ABI2: variants seen among roughly 807,000 people sequenced by gnomAD.
ABI2 encodes abl interactor 2.
Under a neutral mutation model 59.2 loss-of-function variants are expected in ABI2, and 25 were observed. The observed-to-expected ratio is 0.42, with a 90% confidence interval of 0.31 to 0.59. The LOEUF is 0.59. Ranked by LOEUF, ABI2 falls within the 20% of genes least tolerant of loss-of-function variation. The pLI is 0.14. For missense variants in ABI2, 545 were observed against 681.8 expected, an observed-to-expected ratio of 0.80 and a Z score of 2.23; for synonymous variants, 213 against 235.5, an observed-to-expected ratio of 0.90 and a Z score of 0.87.
chr2:203,421,846 C>A (rs546022155), intron 11 of ABI2, among the ~76,000 whole-genome samples: 1 of 151,792 alleles, frequency 6.6e-6, no homozygotes. Context: ...CGCCTGTAGT[C>A]CCAGCAACTC....
rs2069943078 is a variant in ABI2 at position 203,328,411 on chromosome 2, G to T, written c.-104G>T. 3 of 922,628 alleles carry T rather than the reference G, an allele frequency of 3.3e-6. No individual in the cohort carries two copies. In the East Asian group the frequency reaches 9.3e-5, roughly 29 times the overall value. The allele number at this position is 922,628 out of a possible 1,614,324, so 57.2% of individuals were successfully genotyped here. Reference sequence around the variant, plus strand: ...TTCTCGCTCCTTCCGAGTTACCGCCGCCGTCGCCGCCGCTCCTCCTCTCCC... The same window carrying T: ...TTCTCGCTCCTTCCGAGTTACCGCCTCCGTCGCCGCCGCTCCTCCTCTCCC... On this transcript the variant is annotated 5_prime_UTR_variant, in exon 1 of 12. Transcript: ENST00000261018.
intron 1 of ABI2, among the ~76,000 whole-genome samples, chr2:203,362,771 C>A (rs2093701369): frequency 6.6e-6 from 1 of 151,706 alleles, no homozygotes; most frequent in Non-Finnish European, 1.5e-5. Context: ...AGGTGATCCA[C>A]CTGGCTTGGC....
At chr2:203,342,304 G>T in intron 1 of ABI2, 1 of 438,470 alleles carries the variant, frequency 2.3e-6, no homozygotes, top group Non-Finnish European at 4.5e-6. Context: ...TGTAAATTTT[G>T]AATTAATGGA....
chr2:203,396,589 A>G (rs908468900), intron 7 of ABI2, among the ~76,000 whole-genome samples, 196 bp from the exon 8 acceptor site: 13 of 152,178 alleles, frequency 8.5e-5, no homozygotes, highest in African/African-American at 3.1e-4. Flanking sequence ...AAATCTGCAC[A>G]TTACCCTGAG....
chr2:203,368,370 CTT>C (rs2094700382), intron 2 of ABI2, among the ~76,000 whole-genome samples: 1 of 152,012 alleles, frequency 6.6e-6, no homozygotes, highest in Non-Finnish European at 1.5e-5. Flanking sequence ...ATTCAACACT[CTT>C]TTTAGACCTA....
intron 4 of ABI2, among the ~76,000 whole-genome samples, chr2:203,390,462 T>C (rs754371251): frequency 7.2e-5 from 11 of 152,220 alleles, no homozygotes; most frequent in Admixed American, 3.9e-4. Context: ...TGAAACCCTG[T>C]CTCTACTAAA....
chr2:203,425,086 A>G (rs2098385991), intron 11 of ABI2, among the ~76,000 whole-genome samples: 1 of 124,006 alleles, frequency 8.1e-6, no homozygotes, highest in Admixed American at 8.9e-5. Flanking sequence ...CATGTTGCTT[A>G]GGCTGGCAAT....
At chr2:203,387,267 T>G (rs1357253420) in intron 4 of ABI2, among the ~76,000 whole-genome samples, 2 of 152,148 alleles carry the variant, frequency 1.3e-5, no homozygotes, top group Non-Finnish European at 1.5e-5. Context: ...AGGCATGATA[T>G]TTGTAATGAA....
intron 9 of ABI2, among the ~76,000 whole-genome samples, chr2:203,404,498 C>T (rs2097347830): frequency 6.6e-6 from 1 of 152,182 alleles, no homozygotes; most frequent in East Asian, 1.9e-4. Context: ...ACCATGTTTT[C>T]AAACTCACAT....
At chr2:203,396,572 A>G (rs1490933475) in intron 7 of ABI2, among the ~76,000 whole-genome samples, 1 of 152,300 alleles carries the variant, frequency 6.6e-6, no homozygotes, top group Non-Finnish European at 1.5e-5. Flanking sequence ...TTTTTAATGA[A>G]TTGAAAAAAT....
intron 10 of ABI2, among the ~76,000 whole-genome samples, chr2:203,411,646 A>G (rs1036627957): frequency 6.6e-6 from 1 of 152,210 alleles, no homozygotes; most frequent in African/African-American, 2.4e-5. Flanking sequence ...TAGATATCCC[A>G]TCTTTTTCTC....
chr2:203,343,737 C>G lies in ABI2; in HGVS notation c.117+15106C>G, dbSNP rs190182610. Among the ~76,000 whole-genome samples the G allele has an allele frequency of 5.3e-5, 8 of 152,322 alleles. No individual in the cohort carries two copies. The East Asian group carries it at 1.3e-3, about 26-fold the overall frequency. ...TGATGTTATTTGCATATAGGCTCTT[C>G]TGACAAAAATATGTTAATTAAATCA... On this transcript the variant is annotated intron_variant, in intron 1 of 11. Transcript: ENST00000261018.
At chr2:203,364,659 A>T (rs1349397376) in intron 1 of ABI2, among the ~76,000 whole-genome samples, 1 of 152,010 alleles carries the variant, frequency 6.6e-6, no homozygotes, top group African/African-American at 2.4e-5. Context: ...CTTTATAATT[A>T]TTCCTTATAG....
intron 2 of ABI2, among the ~76,000 whole-genome samples, chr2:203,372,439 T>C (rs1264601403): frequency 1.3e-5 from 2 of 152,214 alleles, no homozygotes; most frequent in African/African-American, 2.4e-5. Context: ...CAATGAGCTG[T>C]TGGGTACACC....
At chr2:203,395,437 A>ATG in intron 6 of ABI2, among the ~76,000 whole-genome samples, 1 of 86,570 alleles carries the variant, frequency 1.2e-5, no homozygotes, top group Non-Finnish European at 2.7e-5. Context: ...AAGTAAATAT[A>ATG]TATATATATA....
chr2:203,363,755 A>G (rs2093904498), intron 1 of ABI2, among the ~76,000 whole-genome samples: 1 of 151,930 alleles, frequency 6.6e-6, no homozygotes, highest in South Asian at 2.1e-4. Flanking sequence ...CATATGTACC[A>G]TATTTTCTTT....
chr2:203,344,816 G>A (rs1054450080), intron 1 of ABI2, among the ~76,000 whole-genome samples: 4 of 152,070 alleles, frequency 2.6e-5, no homozygotes, highest in African/African-American at 7.2e-5. Context: ...GTTTGCAAGC[G>A]CACCAATCTG....
chr2:203,340,356 T>G (rs1286293565), intron 1 of ABI2, among the ~76,000 whole-genome samples: 1 of 151,946 alleles, frequency 6.6e-6, no homozygotes, highest in Non-Finnish European at 1.5e-5. Context: ...TACTTGAAAT[T>G]TACTAAGTCA....
At chr2:203,336,652 T>C (rs2076596020) in intron 1 of ABI2, among the ~76,000 whole-genome samples, 2 of 152,208 alleles carry the variant, frequency 1.3e-5, no homozygotes, top group Non-Finnish European at 1.5e-5. Flanking sequence ...ATCTATGTTG[T>C]AGTCACCTGG....
Sources: gnomAD v4.1 joint callset for allele counts (sites outside exome capture counted in the v4.1 genomes callset) on GRCh38, gnomAD v4.1.1 for gene constraint, MANE v1.5 for transcripts, NCBI Gene and HGNC (gene_info 2026-07-23, HGNC 2026-07-21) for gene names.